PACSIN2: variants seen among roughly 807,000 people sequenced by gnomAD.
PACSIN2 encodes the protein protein kinase C and casein kinase substrate in neurons protein 2.
In PACSIN2, 25 loss-of-function variants were observed where a neutral mutation model predicts 63.8. The observed-to-expected ratio is 0.39, with a 90% confidence interval of 0.29 to 0.55. The LOEUF is 0.55. Among genes scored for constraint, PACSIN2 ranks in the 20% least tolerant of loss-of-function variants. The probability of loss-of-function intolerance (pLI) is 0.62; values close to 1 mark genes in which losing one functional copy is unlikely to be tolerated. For missense variants in PACSIN2, 518 were observed against 646.9 expected, an observed-to-expected ratio of 0.80 and a Z score of 2.16; for synonymous variants, 255 against 256.2, an observed-to-expected ratio of 1.00 and a Z score of 0.05.
chr22:42,971,743 C>G (rs1921295930), intron 1 of PACSIN2, among the ~76,000 whole-genome samples: 1 of 151,920 alleles, frequency 6.6e-6, no homozygotes, highest in African/African-American at 2.4e-5. Context: ...GGCAGCCGCC[C>G]CGTCCGGGAG....
Position 42,878,932 on chromosome 22 carries a change from C to G in PACSIN2, c.1028+116G>C. On this transcript the variant is annotated intron_variant, in intron 8 of 10. Transcript: ENST00000263246. ...CCAGGCTGGGCCACGGCCCACAGAG[C>G]TCAGGAGCCCAGGAACCTCCCAGGT... 3 of 1,248,354 alleles carry G rather than the reference C, an allele frequency of 2.4e-6. 1 individual carries two copies. The South Asian group carries it at 4.9e-5, about 21-fold the overall frequency. 77.3% of individuals were successfully genotyped at this position (1,248,354 alleles called of 1,614,324 possible).
chr22:42,885,590 GCCCATGCGGCTCCCCT>G (rs1346217584), intron 5 of PACSIN2, among the ~76,000 whole-genome samples: 1 of 151,904 alleles, frequency 6.6e-6, no homozygotes, highest in African/African-American at 2.4e-5. Flanking sequence ...AGTCTACCCT[GCCCATGCGGCTCCCCT>G]CCCAGATGCT....
At chr22:43,013,171 C>G (rs146549502) in intron 1 of PACSIN2, among the ~76,000 whole-genome samples, 1 of 152,234 alleles carries the variant, frequency 6.6e-6, no homozygotes, top group East Asian at 1.9e-4. Context: ...CAAAGCAGCA[C>G]GAGCTAAGGA....
At chr22:42,947,669 T>TG (rs1933485138) in intron 1 of PACSIN2, among the ~76,000 whole-genome samples, 1 of 93,038 alleles carries the variant, frequency 1.1e-5, no homozygotes, top group African/African-American at 4.0e-5. Context: ...ACAAGACCCC[T>TG]GGGGGTGGGG....
intron 1 of PACSIN2, among the ~76,000 whole-genome samples, chr22:43,003,328 T>C (rs993519022): frequency 1.1e-4 from 17 of 152,124 alleles, no homozygotes. Flanking sequence ...AAATATCGGC[T>C]GGGCGCGGTG....
chr22:42,969,348 T>G (rs1355788449), intron 1 of PACSIN2, among the ~76,000 whole-genome samples: 1 of 152,234 alleles, frequency 6.6e-6, no homozygotes, highest in African/African-American at 2.4e-5. Context: ...TAACCTCATT[T>G]CAATTGGAAT....
At chr22:42,931,871 T>A (rs1224869731) in intron 1 of PACSIN2, among the ~76,000 whole-genome samples, 1 of 152,160 alleles carries the variant, frequency 6.6e-6, no homozygotes, top group Non-Finnish European at 1.5e-5. Context: ...GGAACACAGG[T>A]GGTATTAATA....
intron 4 of PACSIN2, 125 bp from the exon 5 acceptor site, chr22:42,888,923 A>G (rs1929695053): frequency 2.3e-6 from 2 of 870,942 alleles, no homozygotes; most frequent in African/African-American, 1.7e-5. Context: ...ACAAAATTGT[A>G]TGTATACTAT....
intron 9 of PACSIN2, among the ~76,000 whole-genome samples, 198 bp from the exon 10 acceptor site, chr22:42,876,531 G>A (rs1928645068): frequency 6.6e-6 from 1 of 151,852 alleles, no homozygotes. Flanking sequence ...CTTTCCAGGG[G>A]CAGGCGGCTG....
chr22:42,888,802 C>T lies in PACSIN2; in HGVS notation c.454-4G>A, dbSNP rs762820834. 6.2e-7 allele frequency: 1 copy of T among 1,614,044 alleles called. No individual in the cohort carries two copies. The highest frequency in any genetic ancestry group is 8.5e-7 in the Non-Finnish European group (1 of 1,179,956). On this transcript the variant is annotated splice_polypyrimidine_tract_variant and splice_region_variant and intron_variant, in intron 4 of 10. Transcript: ENST00000263246. ...GGGCTTTCTTTGCTGCTTCTACCTA[C>T]AGGGAGAATGAGTTCCTGAATGCCA... is the stretch of plus-strand genomic sequence containing the variant.
At chr22:42,923,437 T>TA (rs1312467638) in intron 1 of PACSIN2, among the ~76,000 whole-genome samples, 1 of 152,192 alleles carries the variant, frequency 6.6e-6, no homozygotes, top group Admixed American at 6.5e-5. Flanking sequence ...TTCTTTTTTT[T>TA]ATTTTTTTGA....
intron 1 of PACSIN2, among the ~76,000 whole-genome samples, chr22:42,957,150 G>A (rs970437571): frequency 3.9e-5 from 6 of 152,138 alleles, no homozygotes; most frequent in African/African-American, 1.4e-4. Context: ...ACCTCTTTAA[G>A]GAGACTGACA....
At chr22:42,901,154 C>T (rs747125771) in intron 2 of PACSIN2, among the ~76,000 whole-genome samples, 6 of 152,252 alleles carry the variant, frequency 3.9e-5, no homozygotes, top group Middle Eastern at 3.4e-3. Flanking sequence ...GCACCACAAC[C>T]GCTCCCTCTG....
At chr22:42,906,262 C>T (rs1380239113) in intron 2 of PACSIN2, among the ~76,000 whole-genome samples, 1 of 152,244 alleles carries the variant, frequency 6.6e-6, no homozygotes, top group Non-Finnish European at 1.5e-5. Context: ...TGGTTAAAAC[C>T]CATCACATCA....
chr22:42,933,741 G>A (rs1036540142), intron 1 of PACSIN2, among the ~76,000 whole-genome samples: 4 of 152,338 alleles, frequency 2.6e-5, no homozygotes, highest in South Asian at 2.1e-4. Context: ...CCCAGCATCT[G>A]CAAGTGGCAG....
chr22:42,877,107 C>A, intron 8 of PACSIN2, 97 bp from the exon 9 acceptor site: 1 of 1,369,854 alleles, frequency 7.3e-7, no homozygotes, highest in Non-Finnish European at 1.0e-6. Flanking sequence ...GACAAATCAG[C>A]TCCTCCTGTG....
chr22:42,877,844 C>T (rs568828841), intron 8 of PACSIN2, among the ~76,000 whole-genome samples: 3 of 152,322 alleles, frequency 2.0e-5, no homozygotes, highest in African/African-American at 7.2e-5. Flanking sequence ...ACTTCCAAGA[C>T]CAGGGCCTCA....
intron 1 of PACSIN2, among the ~76,000 whole-genome samples, chr22:42,993,310 G>A (rs1488860867): frequency 6.6e-6 from 1 of 152,180 alleles, no homozygotes; most frequent in Non-Finnish European, 1.5e-5. Context: ...GGGGGCAGAG[G>A]GACCCCAAGT....
At chr22:42,960,418 C>T (rs1405597521) in intron 1 of PACSIN2, among the ~76,000 whole-genome samples, 2 of 152,176 alleles carry the variant, frequency 1.3e-5, no homozygotes, top group Non-Finnish European at 2.9e-5. Context: ...GACACAGAGT[C>T]CCCTGGAGAC....
Sources: allele counts gnomAD v4.1 joint callset (sites outside exome capture counted in the v4.1 genomes callset), GRCh38; gene constraint gnomAD v4.1.1; transcripts MANE v1.5; gene names NCBI Gene and HGNC (gene_info 2026-07-23, HGNC 2026-07-21).